Variants in DNAH17 observed in about 807,000 individuals in gnomAD.
The protein encoded by DNAH17 is dynein axonemal heavy chain 17.
DNAH17 carries 376 observed loss-of-function variants against 485.6 expected under a neutral mutation model. The observed-to-expected ratio is 0.77, with a 90% CI of 0.71 to 0.84. The LOEUF is 0.84. DNAH17 is among the 40% of genes least tolerant of loss of function. The pLI, the probability that DNAH17 is intolerant of heterozygous loss-of-function variation, is 0.00. For synonymous variants in DNAH17, 3,031 were observed against 2,405.9 expected, an observed-to-expected ratio of 1.26 and a Z score of -7.60; for missense variants, 6,370 against 5,839.3, an observed-to-expected ratio of 1.09 and a Z score of -2.96.
At chr17:78,490,433 A>C (rs1370753002) in intron 44 of DNAH17, among the ~76,000 whole-genome samples, 2 of 152,196 alleles carry the variant, frequency 1.3e-5, no homozygotes, top group African/African-American at 4.8e-5. Context: ...ACAGAGGCCA[A>C]GACCTCCCTT....
intron 16 of DNAH17, among the ~76,000 whole-genome samples, chr17:78,550,728 G>A (rs775590623): frequency 1.3e-5 from 2 of 152,156 alleles, no homozygotes; most frequent in Non-Finnish European, 2.9e-5. Context: ...AGTTTGTGAT[G>A]GCCGCCCTAG....
At chr17:78,430,887 GTA>G (rs773529548) in intron 75 of DNAH17, among the ~76,000 whole-genome samples, 22 of 150,670 alleles carry the variant, frequency 1.5e-4, no homozygotes, top group East Asian at 1.4e-3. Context: ...CAGCCCATAT[GTA>G]TATGTTTTTT....
intron 64 of DNAH17, among the ~76,000 whole-genome samples, chr17:78,453,958 T>TCAGCCTCCCAGAGTGCTGAGATTA (rs1437892102): frequency 6.6e-6 from 1 of 152,070 alleles, no homozygotes. Context: ...TCCTCCTTCC[T>TCAGCCTCCCAGAGTGCTGAGATTA]CAGCCTCCCA....
intron 52 of DNAH17, 144 bp from the exon 53 acceptor site, chr17:78,475,977 C>T (rs1465851866): frequency 3.4e-6 from 3 of 892,606 alleles, no homozygotes; most frequent in Non-Finnish European, 5.0e-6. Context: ...CCCAAACCTG[C>T]TGCCGTGGGC....
intron 62 of DNAH17, among the ~76,000 whole-genome samples, chr17:78,457,657 C>CTTTTT (rs71160297): frequency 1.8e-4 from 12 of 66,784 alleles, no homozygotes; most frequent in Non-Finnish European, 2.6e-4. Context: ...CCGTGCCTGG[C>CTTTTT]TTTTTTTTTT....
At position 78,532,469 on chromosome 17, in the gene DNAH17, G is replaced by A. The variant is rs1478478232; in HGVS notation, c.3114+13C>T. Reference sequence around the variant, plus strand: ...TGGAGACAAGGAGGCTGGTGGGTGAGGTCTGCACGCACCTGCTCCTGGAAC... The same window carrying A: ...TGGAGACAAGGAGGCTGGTGGGTGAAGTCTGCACGCACCTGCTCCTGGAAC... On this transcript the variant is annotated intron_variant, in intron 20 of 80. Transcript: ENST00000389840. 1.9e-6 allele frequency: 3 copies of A among 1,603,502 alleles called. No individual in the cohort carries two copies. The highest frequency in any genetic ancestry group is 1.7e-6 in the Non-Finnish European group (2 of 1,174,950).
intron 37 of DNAH17, among the ~76,000 whole-genome samples, chr17:78,497,901 G>C (rs986273475): frequency 1.3e-5 from 2 of 152,176 alleles, no homozygotes; most frequent in African/African-American, 4.8e-5. Flanking sequence ...CCAGCAGTTT[G>C]GGAGGCCGAG....
chr17:78,504,999 G>C (rs754544400), intron 31 of DNAH17, among the ~76,000 whole-genome samples: 12 of 145,232 alleles, frequency 8.3e-5, no homozygotes, highest in Non-Finnish European at 1.2e-4. Flanking sequence ...TCTGCCTCCC[G>C]GGTTCAAGCG....
intron 37 of DNAH17, among the ~76,000 whole-genome samples, chr17:78,498,642 C>T (rs940346496): frequency 1.3e-5 from 2 of 152,188 alleles, no homozygotes; most frequent in African/African-American, 2.4e-5. Context: ...TCCTCTTCCT[C>T]CCTCTCCCCC....
rs752500666 is a variant in DNAH17, at chr17:78,462,898, G to A, written c.9120C>T (p.Ala3040=). The part of the protein sequence containing the change: ...LLAKKRTELV[A]KIERLENGLM... ...GGCCGTTCTCCAGCCTCTCGATTTTGGCAACAAGTTCCGTTCTCTTCTTGG... is the reference window on the plus strand; with the variant it reads ...GGCCGTTCTCCAGCCTCTCGATTTTAGCAACAAGTTCCGTTCTCTTCTTGG... Residue 3040 remains alanine (A), a synonymous_variant, in exon 57 of 81, where the codon GCC becomes GCT. Coordinates refer to ENST00000389840, the MANE Select transcript of DNAH17 (RefSeq NM_173628.4). 1.6e-5 allele frequency: 26 copies of A among 1,613,934 alleles called. No homozygotes were observed. In the South Asian group the frequency reaches 2.2e-4, roughly 14 times the overall value.
At chr17:78,521,175 G>A (rs1308175473) in intron 25 of DNAH17, among the ~76,000 whole-genome samples, 1 of 152,244 alleles carries the variant, frequency 6.6e-6, no homozygotes. Flanking sequence ...GGAGGCTGAG[G>A]CAGGTGGATC....
rs11415179 is a variant in DNAH17 at position 78,437,166 on chromosome 17, T to TG, written c.12033+474dup. Among the ~76,000 whole-genome samples the TG allele has an allele frequency of 5.9e-3, 894 of 152,304 alleles. 7 individuals carry two copies. Among genetic ancestry groups the TG allele is most frequent in the African/African-American group, 0.021 (856 of 41,574 alleles). On this transcript the variant is annotated intron_variant, in intron 74 of 80. Coordinates refer to ENST00000389840, the MANE Select transcript of DNAH17 (RefSeq NM_173628.4). Reference sequence around the variant, plus strand: ...GAGGGGGGCTGAAGGCAAGGAAACCTGGTCACAGATCCAGAGCCTCAGCGA... The same window carrying TG: ...GAGGGGGGCTGAAGGCAAGGAAACCTGGGTCACAGATCCAGAGCCTCAGCGA...
intron 17 of DNAH17, among the ~76,000 whole-genome samples, chr17:78,542,634 G>A (rs1286591117): frequency 6.6e-6 from 1 of 152,212 alleles, no homozygotes; most frequent in Non-Finnish European, 1.5e-5. Context: ...CCAGTCTACT[G>A]TTCTGCATTC....
intron 62 of DNAH17, among the ~76,000 whole-genome samples, chr17:78,457,741 A>G (rs1474383284): frequency 2.1e-5 from 3 of 145,564 alleles, no homozygotes; most frequent in African/African-American, 7.7e-5. Context: ...GCTCACTGCA[A>G]CCTCCGCCTC....
In DNAH17 at chr17:78,507,871, A is replaced by G. The variant is rs117321213; in HGVS notation, c.4237-66T>C. On this transcript the variant is annotated intron_variant, in intron 27 of 80. Transcript: ENST00000389840. ...CATGCAAAGCTCAGGCAGGACCCAG[A>G]GTTTCCAGGACATAGACTGAAGCTC... is the stretch of plus-strand genomic sequence containing the variant. 739 of 1,396,616 alleles carry G rather than the reference A, an allele frequency of 5.3e-4. 4 individuals carry two copies. In the East Asian group the frequency reaches 7.1e-3, roughly 13 times the overall value. 86.5% of individuals were successfully genotyped at this position (1,396,616 alleles called of 1,614,324 possible). A position where few individuals can be genotyped will look rare whatever the true frequency, so the allele number is the denominator to read the frequency against.
intron 54 of DNAH17, among the ~76,000 whole-genome samples, chr17:78,469,833 T>C (rs1450635003): frequency 1.3e-5 from 2 of 152,022 alleles, no homozygotes; most frequent in African/African-American, 4.8e-5. Flanking sequence ...AAAGGACAAA[T>C]ACCGTGTGAT....
chr17:78,564,994 T>A (rs983297803), intron 11 of DNAH17, among the ~76,000 whole-genome samples: 2 of 152,114 alleles, frequency 1.3e-5, no homozygotes, highest in Non-Finnish European at 2.9e-5. Context: ...AGGGTCTCCA[T>A]CCTCCACCAT....
intron 22 of DNAH17, among the ~76,000 whole-genome samples, chr17:78,529,258 G>C (rs549492389): frequency 9.1e-4 from 139 of 152,258 alleles, no homozygotes; most frequent in African/African-American, 3.2e-3. Context: ...ATGGAACGGA[G>C]GGAGCACTGG....
intron 57 of DNAH17, among the ~76,000 whole-genome samples, 193 bp downstream of exon 57, chr17:78,462,651 G>A (rs1381116613): frequency 6.6e-6 from 1 of 152,220 alleles, no homozygotes; most frequent in African/African-American, 2.4e-5. Flanking sequence ...TTTTGAGTCT[G>A]TTTTTTGTTA....
Sources: allele counts gnomAD v4.1 joint callset (sites outside exome capture counted in the v4.1 genomes callset), GRCh38; gene constraint gnomAD v4.1.1; transcripts MANE v1.5; gene names NCBI Gene and HGNC (gene_info 2026-07-23, HGNC 2026-07-21).